Variants in PDE4D observed in about 807,000 individuals in gnomAD.
PDE4D encodes phosphodiesterase 4D.
A neutral mutation model predicts 87.4 loss-of-function variants in PDE4D; 24 were observed. That is an observed-to-expected ratio of 0.27 (90% CI 0.20 to 0.39). The LOEUF is 0.39. Among genes scored for constraint, PDE4D ranks in the 10% least tolerant of loss-of-function variants. The pLI, the probability that PDE4D is intolerant of heterozygous loss-of-function variation, is 1.00. For missense variants in PDE4D, 714 were observed against 1,041.0 expected (o/e 0.69, Z 4.32); for synonymous variants, 384 against 383.2 (o/e 1.00, Z -0.02).
At chr5:60,048,798 A>T (rs1769681894) in intron 2 of PDE4D, among the ~76,000 whole-genome samples, 1 of 151,580 alleles carries the variant, frequency 6.6e-6, no homozygotes, top group African/African-American at 2.4e-5. Context: ...TGCCCTTAAC[A>T]TTTTTTCCTT....
At chr5:59,538,277 A>G (rs141772296) in intron 1 of PDE4D, among the ~76,000 whole-genome samples, 1,659 of 152,288 alleles carry the variant, frequency 0.011, 25 homozygotes, top group Middle Eastern at 0.02. Flanking sequence ...AAAAAGCATG[A>G]GAAGTATTTA....
At chr5:59,778,711 G>A (rs1764315400) in intron 1 of PDE4D, among the ~76,000 whole-genome samples, 2 of 152,150 alleles carry the variant, frequency 1.3e-5, no homozygotes, top group African/African-American at 4.8e-5. Flanking sequence ...TATAGTAAGT[G>A]TTCAATAGAC....
intron 2 of PDE4D, among the ~76,000 whole-genome samples, chr5:60,110,592 GA>G (rs1777573939): frequency 6.6e-6 from 1 of 152,062 alleles, no homozygotes; most frequent in South Asian, 2.1e-4. Context: ...AAACAATCTG[GA>G]AATTTCTTTA....
At chr5:59,243,756 G>GT (rs1402803975) in intron 1 of PDE4D, among the ~76,000 whole-genome samples, 2 of 152,032 alleles carry the variant, frequency 1.3e-5, no homozygotes, top group Non-Finnish European at 2.9e-5. Flanking sequence ...CACCGGAACT[G>GT]TTTTTTTATA....
intron 6 of PDE4D, among the ~76,000 whole-genome samples, chr5:59,026,430 A>G (rs2153381082): frequency 6.6e-6 from 1 of 152,336 alleles, no homozygotes; most frequent in South Asian, 2.1e-4. Context: ...GCATTAACCA[A>G]CATCATGCAT....
chr5:60,448,284 G>A (rs1025120215), intron 1 of PDE4D, among the ~76,000 whole-genome samples: 16 of 152,146 alleles, frequency 1.1e-4, no homozygotes, highest in African/African-American at 3.6e-4. Flanking sequence ...TTACTTAAAA[G>A]CAAAATCATT....
intron 11 of PDE4D, among the ~76,000 whole-genome samples, chr5:58,984,469 T>A (rs2153325385): frequency 6.6e-6 from 1 of 152,354 alleles, no homozygotes; most frequent in Admixed American, 6.5e-5. Flanking sequence ...AATAAAATAA[T>A]CTCTGTAGCT....
At chr5:59,649,570 T>A (rs1743024735) in intron 1 of PDE4D, among the ~76,000 whole-genome samples, 2 of 151,900 alleles carry the variant, frequency 1.3e-5, no homozygotes, top group South Asian at 4.2e-4. Flanking sequence ...GAGATGGTAA[T>A]GGCCAAAGGG....
At chr5:59,318,212 G>C (rs1774101264) in intron 1 of PDE4D, among the ~76,000 whole-genome samples, 1 of 152,072 alleles carries the variant, frequency 6.6e-6, no homozygotes, top group Non-Finnish European at 1.5e-5. Flanking sequence ...AATGTAACAT[G>C]GTTTATTGAC....
chr5:59,476,616 C>A (rs1803323721), intron 1 of PDE4D, among the ~76,000 whole-genome samples: 1 of 151,974 alleles, frequency 6.6e-6, no homozygotes, highest in Non-Finnish European at 1.5e-5. Flanking sequence ...AGATAGTCTC[C>A]TTTGGCTGGT....
At chr5:60,357,468 A>G (rs1275009433) in intron 1 of PDE4D, among the ~76,000 whole-genome samples, 46 of 152,140 alleles carry the variant, frequency 3.0e-4, no homozygotes, top group Non-Finnish European at 4.4e-5. Flanking sequence ...ATTTATCTGT[A>G]TATTCAACTT....
chr5:60,459,787 C>A, intron 1 of PDE4D: 1 of 494,854 alleles, frequency 2.0e-6, no homozygotes, highest in Non-Finnish European at 3.8e-6. Context: ...AAGACTGGAA[C>A]TTGCTCCCAG....
At chr5:60,130,707 T>G (rs1285087969) in intron 2 of PDE4D, among the ~76,000 whole-genome samples, 1 of 152,128 alleles carries the variant, frequency 6.6e-6, no homozygotes, top group Admixed American at 6.5e-5. Context: ...GCTACTATCA[T>G]GGGGAAAGAG....
intron 1 of PDE4D, among the ~76,000 whole-genome samples, chr5:60,371,562 A>G (rs1365863373): frequency 6.6e-6 from 1 of 152,226 alleles, no homozygotes; most frequent in Non-Finnish European, 1.5e-5. Context: ...ATGCACAGAA[A>G]GTACACAAAT....
chr5:60,400,841 A>G (rs1741018957), intron 1 of PDE4D, among the ~76,000 whole-genome samples: 1 of 152,100 alleles, frequency 6.6e-6, no homozygotes, highest in Non-Finnish European at 1.5e-5. Flanking sequence ...CTGAGACAGG[A>G]GAATTGTTTG....
At chr5:60,178,444 A>C (rs1012343037) in intron 2 of PDE4D, among the ~76,000 whole-genome samples, 16 of 152,170 alleles carry the variant, frequency 1.1e-4, no homozygotes, top group Non-Finnish European at 2.2e-4. Context: ...AAGAAAAAAA[A>C]ACAATTGGAA....
At chr5:59,993,450 T>C (rs1297186138) in intron 2 of PDE4D, among the ~76,000 whole-genome samples, 1 of 152,188 alleles carries the variant, frequency 6.6e-6, no homozygotes, top group Non-Finnish European at 1.5e-5. Flanking sequence ...ATGAGGCTGT[T>C]AAAATAATGT....
chr5:60,010,536 A>G (rs1300891218), intron 2 of PDE4D, among the ~76,000 whole-genome samples: 9 of 152,134 alleles, frequency 5.9e-5, no homozygotes, highest in Non-Finnish European at 1.3e-4. Context: ...CAGGGGTGGT[A>G]TGTGGTACTG....
At chr5:59,029,431 A>AAAC (rs1561341921) in intron 6 of PDE4D, among the ~76,000 whole-genome samples, 1 of 151,222 alleles carries the variant, frequency 6.6e-6, no homozygotes, top group Non-Finnish European at 1.5e-5. Context: ...AAAAAAAAAA[A>AAAC]AAAAAACTTA....
Sources: gnomAD v4.1 joint callset for allele counts (sites outside exome capture counted in the v4.1 genomes callset) on GRCh38, gnomAD v4.1.1 for gene constraint, MANE v1.5 for transcripts, NCBI Gene and HGNC (gene_info 2026-07-23, HGNC 2026-07-21) for gene names.